The following NELL1 variants were observed in gnomAD, a reference collection of about 807,000 sequenced individuals.
NELL1 encodes the protein neural EGFL like 1.
A neutral mutation model predicts 107.4 loss-of-function variants in NELL1; 76 were observed. That is an observed-to-expected ratio of 0.71 (90% CI 0.59 to 0.86). The LOEUF (loss-of-function observed/expected upper bound fraction) is 0.86, where lower values mean the gene tolerates loss of function less well. Ranked by LOEUF, NELL1 falls within the 40% of genes least tolerant of loss-of-function variation. The pLI is 0.00. For missense variants in NELL1, 1,024 were observed against 1,005.5 expected (o/e 1.02, Z -0.25); for synonymous variants, 353 against 341.2 (o/e 1.03, Z -0.38).
At chr11:21,327,095 T>C (rs1356343075) in intron 14 of NELL1, among the ~76,000 whole-genome samples, 1 of 149,050 alleles carries the variant, frequency 6.7e-6, no homozygotes, top group Non-Finnish European at 1.5e-5. Context: ...TGGTGGGAGG[T>C]TATTTAATCA....
At chr11:21,439,046 G>A (rs1853209137) in intron 15 of NELL1, among the ~76,000 whole-genome samples, 3 of 138,792 alleles carry the variant, frequency 2.2e-5, no homozygotes, top group Middle Eastern at 3.7e-3. Flanking sequence ...AGTTGAGGTA[G>A]GACACAGACC....
rs534583925 is a variant in NELL1 at position 21,445,047 on chromosome 11, A to T, written c.1645+74099A>T. 3.3e-5 allele frequency among the ~76,000 whole-genome samples: 5 copies of T among 152,330 alleles called. No homozygotes were observed. The East Asian group carries it at 9.6e-4, about 29-fold the overall frequency. Reference sequence around the variant, plus strand: ...TTACATAAAGAAACAAGCAAAAATAAAACTAATAAATGTCTATACTTTGTC... The same window carrying T: ...TTACATAAAGAAACAAGCAAAAATATAACTAATAAATGTCTATACTTTGTC... On this transcript the variant is annotated intron_variant, in intron 15 of 19. Coordinates refer to ENST00000357134, the MANE Select transcript of NELL1 (RefSeq NM_006157.5).
At chr11:20,931,604 A>G (rs1850620297) in intron 9 of NELL1, among the ~76,000 whole-genome samples, 1 of 152,184 alleles carries the variant, frequency 6.6e-6, no homozygotes, top group Admixed American at 6.5e-5. Context: ...ACAAAGAAAA[A>G]ATTGTATCTT....
In NELL1 at chr11:20,749,491, C is replaced by T. The variant is rs190734598; in HGVS notation, c.185-34189C>T. On this transcript the variant is annotated intron_variant, in intron 2 of 19. Transcript: ENST00000357134. ...TGGTATGTGCTTGTGGACCAAGCTACTTGGGAGGCTGAGGTAGGAGGAATG... is the reference window on the plus strand; with the variant it reads ...TGGTATGTGCTTGTGGACCAAGCTATTTGGGAGGCTGAGGTAGGAGGAATG... Among the ~76,000 whole-genome samples, 11 of 152,026 alleles carry T rather than the reference C, an allele frequency of 7.2e-5. No homozygotes were observed. In the East Asian group the frequency reaches 1.9e-3, roughly 27 times the overall value.
intron 11 of NELL1, among the ~76,000 whole-genome samples, chr11:20,956,679 G>A (rs577448560): frequency 1.2e-4 from 18 of 151,404 alleles, no homozygotes; most frequent in Non-Finnish European, 2.1e-4. Flanking sequence ...AATCTCATCC[G>A]TTCGCCATAT....
intron 14 of NELL1, among the ~76,000 whole-genome samples, chr11:21,268,265 A>T (rs1210064178): frequency 1.3e-5 from 2 of 152,128 alleles, no homozygotes; most frequent in Admixed American, 1.3e-4. Context: ...AGGCCCTCAC[A>T]CTTTTGTGAG....
chr11:20,810,980 A>G (rs1450685343), intron 3 of NELL1, among the ~76,000 whole-genome samples: 1 of 151,710 alleles, frequency 6.6e-6, no homozygotes, highest in African/African-American at 2.4e-5. Context: ...GTTTCCTTTG[A>G]TGTGCAGAAG....
At chr11:21,574,910 T>C in intron 19 of NELL1, 62 bp from the exon 20 acceptor site, 3 of 1,415,630 alleles carry the variant, frequency 2.1e-6, no homozygotes, top group Non-Finnish European at 3.0e-6. Context: ...GTATAAAAAT[T>C]GCAGACTGCT....
In NELL1 at chr11:21,162,300, G is replaced by A. The variant is rs117993228; in HGVS notation, c.1426+48586G>A. 5.4e-3 allele frequency among the ~76,000 whole-genome samples: 827 copies of A among 152,202 alleles called. 4 individuals carry two copies. Among genetic ancestry groups the A allele is most frequent in the South Asian group, 0.012 (60 of 4,820 alleles). ...TTAACTCAGCATTTTTCTTTGTTTT[G>A]TTGTTGTTTGACTTTACTGTAATGT... On this transcript the variant is annotated intron_variant, in intron 13 of 19. Coordinates refer to ENST00000357134, the MANE Select transcript of NELL1 (RefSeq NM_006157.5).
intron 13 of NELL1, among the ~76,000 whole-genome samples, chr11:21,156,280 G>A (rs1375457922): frequency 1.3e-5 from 2 of 152,130 alleles, no homozygotes; most frequent in African/African-American, 2.4e-5. Context: ...GAAATCATAC[G>A]TTTTAAGCAA....
At chr11:21,229,190 A>G (rs777609030) in intron 13 of NELL1, 142 bp from the exon 14 acceptor site, 8 of 836,130 alleles carry the variant, frequency 9.6e-6, no homozygotes, top group Non-Finnish European at 1.5e-5. Context: ...AGATTTCAAC[A>G]GGAACTTTTA....
chr11:20,732,100 T>C (rs964224622), intron 2 of NELL1, among the ~76,000 whole-genome samples: 25 of 152,140 alleles, frequency 1.6e-4, no homozygotes, highest in African/African-American at 6.0e-4. Flanking sequence ...TTGGAGTCTT[T>C]TTTTTCTCAC....
At chr11:20,719,569 A>G (rs918628147) in intron 2 of NELL1, among the ~76,000 whole-genome samples, 7 of 152,200 alleles carry the variant, frequency 4.6e-5, no homozygotes, top group African/African-American at 1.7e-4. Context: ...CATGTTCTTT[A>G]GCTCCCTGGA....
At chr11:20,976,387 C>T (rs183319729) in intron 12 of NELL1, among the ~76,000 whole-genome samples, 1 of 152,210 alleles carries the variant, frequency 6.6e-6, no homozygotes, top group Non-Finnish European at 1.5e-5. Flanking sequence ...CATTTGATAT[C>T]TAGATCCCAA....
At chr11:20,782,096 A>G (rs1856862734) in intron 2 of NELL1, among the ~76,000 whole-genome samples, 1 of 151,858 alleles carries the variant, frequency 6.6e-6, no homozygotes, top group African/African-American at 2.4e-5. Flanking sequence ...ATTTTCTAAT[A>G]CTCTTTAGTT....
chr11:21,331,222 G>T (rs1470104237), intron 14 of NELL1, among the ~76,000 whole-genome samples: 3 of 151,626 alleles, frequency 2.0e-5, no homozygotes, highest in African/African-American at 7.3e-5. Context: ...GGCACCTCTT[G>T]TTGTCTGCTT....
intron 3 of NELL1, among the ~76,000 whole-genome samples, chr11:20,799,999 G>C (rs2134000975): frequency 6.6e-6 from 1 of 152,190 alleles, no homozygotes; most frequent in South Asian, 2.1e-4. Flanking sequence ...TAGGATCATG[G>C]CCCCCAGCTG....
chr11:21,441,833 G>T (rs896043610), intron 15 of NELL1, among the ~76,000 whole-genome samples: 3 of 152,000 alleles, frequency 2.0e-5, no homozygotes, highest in Non-Finnish European at 4.4e-5. Flanking sequence ...AATTTATTTT[G>T]ACCTTGTTTC....
intron 14 of NELL1, among the ~76,000 whole-genome samples, chr11:21,322,590 A>G (rs1400862429): frequency 6.6e-6 from 1 of 152,130 alleles, no homozygotes; most frequent in African/African-American, 2.4e-5. Context: ...GAAATACTCT[A>G]TGGTATTCCA....
Sources: allele counts gnomAD v4.1 joint callset (sites outside exome capture counted in the v4.1 genomes callset), GRCh38; gene constraint gnomAD v4.1.1; transcripts MANE v1.5; gene names NCBI Gene and HGNC (gene_info 2026-07-23, HGNC 2026-07-21).